Variants in SYNE1 observed in about 807,000 individuals in gnomAD.
SYNE1 encodes the protein nesprin-1.
In SYNE1, 616 loss-of-function variants were observed where a neutral mutation model predicts 1,111.0. The observed-to-expected ratio is 0.55, with a 90% confidence interval of 0.52 to 0.59. The LOEUF is 0.59. Ranked by LOEUF, SYNE1 falls within the 20% of genes least tolerant of loss-of-function variation. The pLI, the probability that SYNE1 is intolerant of heterozygous loss-of-function variation, is 0.00. For missense variants in SYNE1, 10,006 were observed against 10,417.0 expected (o/e 0.96, Z 1.72); for synonymous variants, 3,855 against 3,825.8 (o/e 1.01, Z -0.28).
intron 128 of SYNE1, among the ~76,000 whole-genome samples, chr6:152,186,399 A>G (rs1362466877): frequency 6.6e-6 from 1 of 151,836 alleles, no homozygotes; most frequent in Non-Finnish European, 1.5e-5. Context: ...TCTACTAAAA[A>G]TACAAAATTT....
chr6:152,540,162 A>G (rs750747112), intron 3 of SYNE1, 141 bp from the exon 4 acceptor site: 45 of 830,458 alleles, frequency 5.4e-5, no homozygotes, highest in Non-Finnish European at 7.9e-5. Flanking sequence ...CTTGAAGGGA[A>G]AAGTCAACAA....
At position 152,416,508 on chromosome 6, in the gene SYNE1, C is replaced by A; in HGVS notation, c.5929G>T (p.Ala1977Ser). The A allele has an allele frequency of 6.2e-7, 1 of 1,614,016 alleles. No individual in the cohort carries two copies. Among genetic ancestry groups the A allele is most frequent in the Non-Finnish European group, 8.5e-7 (1 of 1,180,002 alleles). The change falls in exon 41 of 146, where the codon GCA becomes TCA. Residue 1977 changes from alanine to serine, a missense_variant. Ala to Ser is a moderately conservative substitution (Grantham distance 99). This residue lies in a region of SYNE1 where 4,955 missense variants were observed against 5,017.2 expected (regional missense o/e 0.99). Coordinates refer to ENST00000367255, the MANE Select transcript of SYNE1 (RefSeq NM_182961.4). The stretch of plus-strand genomic sequence containing the variant: ...TCTTGGAATGCTTTTTTCAACACTG[C>A]CAGAGCATCTGCCTCACTCTGCTTG... ...GTKQSEADAL[A>S]VLKKAFQDQK... is the part of the protein sequence containing the mutation.
intron 50 of SYNE1, among the ~76,000 whole-genome samples, chr6:152,396,574 T>C (rs545440167): frequency 6.6e-6 from 1 of 152,322 alleles, no homozygotes; most frequent in Non-Finnish European, 1.5e-5. Flanking sequence ...GTTTTCTCTA[T>C]ATTAAAAAAA....
chr6:152,261,699 C>A (rs2092018374), intron 101 of SYNE1, among the ~76,000 whole-genome samples: 1 of 152,180 alleles, frequency 6.6e-6, no homozygotes, highest in Non-Finnish European at 1.5e-5. Context: ...ATGTGCATAT[C>A]CTTGATTTCC....
intron 3 of SYNE1, among the ~76,000 whole-genome samples, chr6:152,588,828 T>C (rs2099548711): frequency 6.6e-6 from 1 of 152,184 alleles, no homozygotes; most frequent in African/African-American, 2.4e-5. Flanking sequence ...CCCATCCAGG[T>C]GGGTCCCTGG....
At chr6:152,152,440 C>A (rs757799991) in intron 133 of SYNE1, among the ~76,000 whole-genome samples, 9 of 152,108 alleles carry the variant, frequency 5.9e-5, no homozygotes, top group African/African-American at 2.2e-4. Context: ...CACATATACA[C>A]GTAGCTTTAA....
chr6:152,471,925 GA>G (rs1564286809), intron 15 of SYNE1, 160 bp from the exon 16 acceptor site: 1 of 733,182 alleles, frequency 1.4e-6, no homozygotes, highest in Non-Finnish European at 2.2e-6. Context: ...TCTAGCTCTG[GA>G]TTTAAAAGCA....
chr6:152,601,781 C>T (rs551808165), intron 3 of SYNE1, among the ~76,000 whole-genome samples: 1 of 152,252 alleles, frequency 6.6e-6, no homozygotes, highest in Admixed American at 6.5e-5. Context: ...AAGATGAGAT[C>T]CCAGCAGTAG....
chr6:152,133,500 A>G lies in SYNE1; in HGVS notation c.25789-12T>C. 6.2e-7 allele frequency: 1 copy of G among 1,613,546 alleles called. No individual in the cohort carries two copies. The highest frequency in any genetic ancestry group is 1.1e-5 in the South Asian group (1 of 91,054). On this transcript the variant is annotated splice_polypyrimidine_tract_variant and intron_variant, in intron 142 of 145. Transcript: ENST00000367255. ...TCATGCTTTATTTGCTATGCATACA[A>G]AAACAAATTAATTTTTCTAAGCATT...
intron 127 of SYNE1, among the ~76,000 whole-genome samples, chr6:152,198,912 G>A (rs2074765026): frequency 6.6e-6 from 1 of 150,718 alleles, no homozygotes; most frequent in African/African-American, 2.4e-5. Context: ...GACATATAAA[G>A]TGAGCACATG....
At chr6:152,270,136 T>G (rs1398771034) in intron 98 of SYNE1, among the ~76,000 whole-genome samples, 1 of 152,186 alleles carries the variant, frequency 6.6e-6, no homozygotes, top group Non-Finnish European at 1.5e-5. Context: ...TTTAAATTAT[T>G]CCTAGAATTC....
chr6:152,569,787 C>G (rs2099437490), intron 3 of SYNE1, among the ~76,000 whole-genome samples: 1 of 152,064 alleles, frequency 6.6e-6, no homozygotes, highest in Non-Finnish European at 1.5e-5. Flanking sequence ...TGCACTCTGC[C>G]TAAAACAATT....
At chr6:152,132,872 A>AG in intron 143 of SYNE1, among the ~76,000 whole-genome samples, 1 of 117,714 alleles carries the variant, frequency 8.5e-6, no homozygotes, top group Non-Finnish European at 1.7e-5. Context: ...ACTGTTTTTT[A>AG]ATTTTTTTTT....
chr6:152,302,131 A>G, intron 91 of SYNE1, 68 bp from the exon 92 acceptor site: 1 of 1,600,022 alleles, frequency 6.2e-7, no homozygotes, highest in Non-Finnish European at 8.5e-7. Flanking sequence ...AGTAGCGTTC[A>G]TCTTCCTGCA....
At chr6:152,444,761 GT>G (rs2098562474) in intron 29 of SYNE1, among the ~76,000 whole-genome samples, 183 bp from the exon 30 acceptor site, 1 of 151,870 alleles carries the variant, frequency 6.6e-6, no homozygotes, top group Non-Finnish European at 1.5e-5. Flanking sequence ...TTCTCCTTTT[GT>G]TTTTTTGTGA....
intron 51 of SYNE1, among the ~76,000 whole-genome samples, chr6:152,395,163 T>C (rs1170923269): frequency 2.6e-5 from 4 of 152,140 alleles, no homozygotes; most frequent in African/African-American, 9.7e-5. Context: ...CTTCACATTA[T>C]GTTAATTGAT....
chr6:152,599,508 G>A (rs889416666), intron 3 of SYNE1, among the ~76,000 whole-genome samples: 6 of 152,156 alleles, frequency 3.9e-5, no homozygotes, highest in African/African-American at 1.4e-4. Context: ...AATTAGTGCT[G>A]TGGACACTCT....
chr6:152,538,372 T>A (rs1217133256), intron 4 of SYNE1, among the ~76,000 whole-genome samples: 1 of 152,080 alleles, frequency 6.6e-6, no homozygotes, highest in Non-Finnish European at 1.5e-5. Context: ...ATTACAATAA[T>A]TACATAGTTC....
At position 152,362,166 on chromosome 6, in the gene SYNE1, T is replaced by A. The variant is rs1243559484; in HGVS notation, c.10299+4A>T. The A allele has an allele frequency of 6.2e-7, 1 of 1,614,230 alleles. No homozygotes were observed. Among genetic ancestry groups the A allele is most frequent in the Admixed American group, 1.7e-5 (1 of 60,028 alleles). On this transcript the variant is annotated splice_donor_region_variant and intron_variant, in intron 64 of 145. Transcript: ENST00000367255. Reference sequence around the variant, plus strand: ...ACACATGGAATCTGAAATCCAGCTCTCACCTTGGCTTTTCCGAGCATCGTT... The same window carrying A: ...ACACATGGAATCTGAAATCCAGCTCACACCTTGGCTTTTCCGAGCATCGTT...
Sources: allele counts gnomAD v4.1 joint callset (sites outside exome capture counted in the v4.1 genomes callset), GRCh38; gene constraint gnomAD v4.1.1; regional missense constraint gnomAD v4.1.1; transcripts MANE v1.5; gene names NCBI Gene and HGNC (gene_info 2026-07-23, HGNC 2026-07-21).